Variants in SLCO3A1 observed in about 807,000 individuals in gnomAD.
The protein encoded by SLCO3A1 is solute carrier organic anion transporter family member 3A1, also known as PGE1 transporter.
SLCO3A1 carries 27 observed loss-of-function variants against 63.1 expected under a neutral mutation model. That is an observed-to-expected ratio of 0.43 (90% CI 0.32 to 0.59). SLCO3A1 has a LOEUF of 0.59. Ranked by LOEUF, SLCO3A1 falls within the 20% of genes least tolerant of loss-of-function variation. SLCO3A1 has a pLI of 0.09. For missense variants in SLCO3A1, 773 were observed against 945.8 expected (o/e 0.82, Z 2.40); for synonymous variants, 473 against 409.9 (o/e 1.15, Z -1.86).
At chr15:92,008,284 T>C (rs1389756668) in intron 2 of SLCO3A1, among the ~76,000 whole-genome samples, 1 of 152,212 alleles carries the variant, frequency 6.6e-6, no homozygotes, top group Non-Finnish European at 1.5e-5. Context: ...TCCCTGGAGC[T>C]CAGGCTTTAT....
downstream of SLCO3A1, among the ~76,000 whole-genome samples, chr15:92,168,484 A>G (rs1434025128): frequency 2.0e-5 from 3 of 152,202 alleles, no homozygotes; most frequent in Non-Finnish European, 2.9e-5. Context: ...GCTATGTTCC[A>G]ATAAAGCTTT....
At chr15:92,027,294 A>G (rs2046586941) in intron 2 of SLCO3A1, among the ~76,000 whole-genome samples, 4 of 152,218 alleles carry the variant, frequency 2.6e-5, no homozygotes, top group Admixed American at 2.6e-4. Context: ...TATCCTTGTG[A>G]ACTTTCTAAA....
chr15:91,973,701 A>G (rs1419238791), intron 2 of SLCO3A1, among the ~76,000 whole-genome samples: 1 of 152,124 alleles, frequency 6.6e-6, no homozygotes, highest in Non-Finnish European at 1.5e-5. Context: ...TGCTACTGGC[A>G]TCTAGTGGGG....
intron 2 of SLCO3A1, among the ~76,000 whole-genome samples, chr15:91,929,021 T>C (rs954009930): frequency 9.9e-5 from 15 of 151,958 alleles, no homozygotes; most frequent in Admixed American, 9.2e-4. Context: ...GGTAAGAAGG[T>C]AGGGCAAGAA....
rs1398201826 is a variant in SLCO3A1, at chr15:91,900,725, C to T, written c.181-15268C>T. Among the ~76,000 whole-genome samples the T allele has an allele frequency of 1.3e-5, 2 of 152,186 alleles. No individual in the cohort carries two copies. The highest frequency in any genetic ancestry group is 2.9e-5 in the Non-Finnish European group (2 of 68,032). ...TTCCCTAAAGACTAATAATGCTAAG[C>T]ATCTTTTCAAATGCTTATTAGACAT... On this transcript the variant is annotated intron_variant, in intron 1 of 9. Coordinates refer to ENST00000318445, the MANE Select transcript of SLCO3A1 (RefSeq NM_013272.4). This position sits in a 1 kb window ranked among gnomAD's most constrained non-coding sequence, Gnocchi z 4.3.
chr15:91,898,126 A>G (rs1040428909), intron 1 of SLCO3A1, among the ~76,000 whole-genome samples: 2 of 152,174 alleles, frequency 1.3e-5, no homozygotes, highest in Admixed American at 1.3e-4. Flanking sequence ...GTGACCATCC[A>G]TCATGTACCA....
intron 1 of SLCO3A1, among the ~76,000 whole-genome samples, chr15:91,873,814 C>T (rs1218723559): frequency 6.6e-6 from 1 of 152,168 alleles, no homozygotes; most frequent in African/African-American, 2.4e-5. Flanking sequence ...AGCTCTATAC[C>T]TAGCTTTCTC....
intron 9 of SLCO3A1, 97 bp from the exon 10 acceptor site, chr15:92,162,655 ATATT>A (rs760905954): frequency 6.2e-4 from 941 of 1,506,344 alleles, no homozygotes; most frequent in Non-Finnish European, 8.1e-4. Flanking sequence ...GGAGTCAGAC[ATATT>A]TGCCTAGCAG....
At chr15:92,109,114 A>G (rs573879533) in intron 4 of SLCO3A1, among the ~76,000 whole-genome samples, 2 of 152,312 alleles carry the variant, frequency 1.3e-5, no homozygotes, top group South Asian at 2.1e-4. Context: ...ACATGGACGC[A>G]TGCACAGATA....
intron 2 of SLCO3A1, among the ~76,000 whole-genome samples, chr15:91,998,927 G>A (rs2151450958): frequency 1.3e-5 from 2 of 152,348 alleles, no homozygotes; most frequent in Admixed American, 1.3e-4. Context: ...AAGAAAATGT[G>A]CATATACATC....
chr15:92,141,885 C>T (rs1484730586), intron 7 of SLCO3A1, among the ~76,000 whole-genome samples: 2 of 152,214 alleles, frequency 1.3e-5, no homozygotes, highest in Admixed American at 1.3e-4. Flanking sequence ...CTGACCACAA[C>T]TGCAGCATTT....
chr15:91,907,173 G>A (rs1168598269), intron 1 of SLCO3A1, among the ~76,000 whole-genome samples: 1 of 152,134 alleles, frequency 6.6e-6, no homozygotes, highest in African/African-American at 2.4e-5. Context: ...TGGCAGAGAC[G>A]GAGTCTTAAA....
Position 91,875,710 on chromosome 15 carries a change from A to T in SLCO3A1, c.180+21622A>T, listed in dbSNP as rs971928030. On this transcript the variant is annotated intron_variant, in intron 1 of 9. Coordinates refer to ENST00000318445, the MANE Select transcript of SLCO3A1 (RefSeq NM_013272.4). This position sits in a 1 kb window ranked among gnomAD's most constrained non-coding sequence, Gnocchi z 4.5. ...AATAGAGAAACACAGGATGACTGAA[A>T]ATCAGGTAATAAACATGAAGCAGTG... Among the ~76,000 whole-genome samples, 1 of 152,202 alleles carries T rather than the reference A, an allele frequency of 6.6e-6. No individual in the cohort carries two copies. The highest frequency in any genetic ancestry group is 1.5e-5 in the Non-Finnish European group (1 of 68,034).
rs2048086610 is a variant in SLCO3A1 at position 92,138,443 on chromosome 15, G to A, written c.1513-8541G>A. On this transcript the variant is annotated intron_variant, in intron 7 of 9. Transcript: ENST00000318445. The stretch of plus-strand genomic sequence containing the variant: ...AGCTTTGTTCTTTTGGCTTAGGATT[G>A]CCTTGGCGATGGGGGCTCTTTTTTG... Among the ~76,000 whole-genome samples the A allele has an allele frequency of 3.5e-5, 4 of 114,500 alleles. No individual in the cohort carries two copies. The South Asian group carries it at 7.6e-4, about 22-fold the overall frequency. 75.1% of individuals were successfully genotyped at this position (114,500 alleles called of 152,430 possible).
At chr15:92,156,032 T>C (rs1412836679) in intron 9 of SLCO3A1, among the ~76,000 whole-genome samples, 1 of 152,168 alleles carries the variant, frequency 6.6e-6, no homozygotes, top group African/African-American at 2.4e-5. Context: ...AGATTGTCCT[T>C]GGTCTGGGGT....
chr15:92,102,650 G>T (rs1011966210), intron 3 of SLCO3A1, among the ~76,000 whole-genome samples: 10 of 152,176 alleles, frequency 6.6e-5, no homozygotes, highest in South Asian at 6.2e-4. Context: ...CTGGTCCATT[G>T]TAGTGCTATT....
intron 2 of SLCO3A1, among the ~76,000 whole-genome samples, chr15:92,042,246 A>G (rs1220120071): frequency 6.6e-6 from 1 of 152,192 alleles, no homozygotes; most frequent in Non-Finnish European, 1.5e-5. Flanking sequence ...ACAGTGTCAG[A>G]AGTGTGCCAG....
Position 92,056,800 on chromosome 15 carries a change from C to T in SLCO3A1, c.647-38081C>T, listed in dbSNP as rs531520432. On this transcript the variant is annotated intron_variant, in intron 2 of 9. Transcript: ENST00000318445. ...GCATGGGTAGGGTTTATGGGAGTAC[C>T]TGGACTTCAGGATCCTCAGGATAAA... 9.8e-5 allele frequency among the ~76,000 whole-genome samples: 15 copies of T among 152,290 alleles called. No individual in the cohort carries two copies. The South Asian group carries it at 3.1e-3, about 32-fold the overall frequency.
At chr15:92,167,106 T>C (rs2048497826), downstream of SLCO3A1, among the ~76,000 whole-genome samples, 1 of 152,216 alleles carries the variant, frequency 6.6e-6, no homozygotes, top group Non-Finnish European at 1.5e-5. Flanking sequence ...TTTGATTTGG[T>C]TTAGATGAGG....
Sources: allele counts gnomAD v4.1 joint callset (sites outside exome capture counted in the v4.1 genomes callset), GRCh38; gene constraint gnomAD v4.1.1; non-coding constraint Gnocchi (gnomAD v3.1); transcripts MANE v1.5; gene names NCBI Gene and HGNC (gene_info 2026-07-23, HGNC 2026-07-21).